Variants in PPP3CC observed in about 807,000 individuals in gnomAD.
PPP3CC encodes the protein serine/threonine-protein phosphatase 2B catalytic subunit gamma isoform.
Under a neutral mutation model 60.3 loss-of-function variants are expected in PPP3CC, and 35 were observed. The observed-to-expected ratio is 0.58, with a 90% confidence interval of 0.44 to 0.77. The LOEUF is 0.77. PPP3CC is among the 30% of genes least tolerant of loss of function. The pLI, the probability that PPP3CC is intolerant of heterozygous loss-of-function variation, is 0.00. For synonymous variants in PPP3CC, 206 were observed against 224.3 expected (o/e 0.92, Z 0.73); for missense variants, 570 against 628.9 (o/e 0.91, Z 1.00).
At chr8:22,498,173 C>T in intron 4 of PPP3CC, 61 bp downstream of exon 4, 9 of 1,070,798 alleles carry the variant, frequency 8.4e-6, no homozygotes, top group Non-Finnish European at 1.2e-5. Context: ...CGAAGTAAAT[C>T]AAACAGAAAG....
rs1028319142 is a variant in PPP3CC at position 22,459,068 on chromosome 8, AT to A, written c.50-15872del. Reference sequence around the variant, plus strand: ...TTGACACCAGAAATATACATTTGTAATTTTTTTTTTTTTTCTGAGACAGAGT... The same window carrying A: ...TTGACACCAGAAATATACATTTGTAATTTTTTTTTTTTTCTGAGACAGAGT... On this transcript the variant is annotated intron_variant, in intron 1 of 13. Coordinates refer to ENST00000240139, the MANE Select transcript of PPP3CC (RefSeq NM_005605.5). Among the ~76,000 whole-genome samples the A allele has an allele frequency of 2.7e-3, 394 of 145,774 alleles. 3 individuals are homozygous for A. Among genetic ancestry groups the A allele is most frequent in the Middle Eastern group, 7.0e-3 (2 of 286 alleles).
intron 2 of PPP3CC, 116 bp from the exon 3 acceptor site, chr8:22,475,384 T>C (rs966723870): frequency 2.4e-5 from 29 of 1,217,182 alleles, no homozygotes; most frequent in African/African-American, 3.0e-5. Context: ...TTTACAGCAG[T>C]CCTGTCAAAA....
chr8:22,509,788 A>AACTCCTGGG (rs1226978286), intron 4 of PPP3CC, among the ~76,000 whole-genome samples: 1 of 152,192 alleles, frequency 6.6e-6, no homozygotes, highest in Non-Finnish European at 1.5e-5. Context: ...TGCAGCCTCA[A>AACTCCTGGG]ACTCCTGGGC....
At chr8:22,498,332 T>G (rs180703468) in intron 4 of PPP3CC, among the ~76,000 whole-genome samples, 97 of 152,318 alleles carry the variant, frequency 6.4e-4, no homozygotes, top group South Asian at 4.8e-3. Flanking sequence ...TTCGGGATAT[T>G]TGGAAAGCAC....
intron 12 of PPP3CC, among the ~76,000 whole-genome samples, chr8:22,534,942 C>G (rs1180352333): frequency 6.6e-6 from 1 of 152,168 alleles, no homozygotes; most frequent in Non-Finnish European, 1.5e-5. Context: ...GTCAGAATGT[C>G]ACTTCCTCTG....
chr8:22,519,192 G>A (rs904523455), intron 6 of PPP3CC, among the ~76,000 whole-genome samples: 2 of 152,064 alleles, frequency 1.3e-5, no homozygotes, highest in African/African-American at 4.8e-5. Flanking sequence ...TAAAAGTTTA[G>A]CCACTCATGT....
intron 1 of PPP3CC, among the ~76,000 whole-genome samples, chr8:22,469,869 T>C (rs1384920681): frequency 1.3e-5 from 2 of 152,008 alleles, no homozygotes; most frequent in Non-Finnish European, 1.5e-5. Flanking sequence ...ATTATTGCCT[T>C]AAGCCACTAA....
chr8:22,463,758 G>A (rs1421823233), intron 1 of PPP3CC, among the ~76,000 whole-genome samples: 1 of 150,850 alleles, frequency 6.6e-6, no homozygotes, highest in Non-Finnish European at 1.5e-5. Flanking sequence ...GATAGCTATT[G>A]TGGCAGTCTT....
In PPP3CC at chr8:22,540,677, C is replaced by T; in HGVS notation, c.1414C>T (p.Arg472Ter). Residue 472 changes from arginine to a stop codon, truncating the protein, a stop_gained, in exon 14 of 14, where the codon CGA (arginine) becomes TGA (stop). Coordinates refer to ENST00000240139, the MANE Select transcript of PPP3CC (RefSeq NM_005605.5). LOFTEE classifies it low-confidence loss of function (END_TRUNC). ...RSFEEARGLD[R>*]INERMPPRKD... ...TTTTGAAGAAGCGCGAGGTCTGGAC[C>T]GAATTAATGAGCGAATGCCACCCCG... 1 of 1,614,024 alleles carries T rather than the reference C, an allele frequency of 6.2e-7. No homozygotes were observed. The highest frequency in any genetic ancestry group is 8.5e-7 in the Non-Finnish European group (1 of 1,179,980).
chr8:22,461,095 T>A (rs1837349823), intron 1 of PPP3CC, among the ~76,000 whole-genome samples: 1 of 152,138 alleles, frequency 6.6e-6, no homozygotes, highest in African/African-American at 2.4e-5. Flanking sequence ...CCGCCCACCT[T>A]GGCCTCCCAA....
rs186687672 is a variant in PPP3CC, at chr8:22,482,048, G to A, written c.372+6424G>A. ...GATTTATAATCCTTTGAGTATATAC[G>A]CGATAATGGGATTGCTGGGTCAGAT... On this transcript the variant is annotated intron_variant, in intron 3 of 13. Coordinates refer to ENST00000240139, the MANE Select transcript of PPP3CC (RefSeq NM_005605.5). Among the ~76,000 whole-genome samples, 452 of 152,148 alleles carry A rather than the reference G, an allele frequency of 3.0e-3. 4 individuals carry two copies. Among genetic ancestry groups the A allele is most frequent in the Non-Finnish European group, 5.0e-3 (343 of 68,008 alleles).
intron 4 of PPP3CC, among the ~76,000 whole-genome samples, chr8:22,499,758 C>G (rs1022190716): frequency 6.6e-6 from 1 of 152,234 alleles, no homozygotes; most frequent in Non-Finnish European, 1.5e-5. Flanking sequence ...GCGTATAAGA[C>G]ATACATTCTA....
At chr8:22,522,771 T>G in intron 8 of PPP3CC, 22 bp downstream of exon 8, 1 of 1,507,276 alleles carries the variant, frequency 6.6e-7, no homozygotes, top group Non-Finnish European at 9.2e-7. Flanking sequence ...CAGCAATATT[T>G]GAGTTTGAAT....
At chr8:22,488,476 G>A (rs1374638235) in intron 3 of PPP3CC, among the ~76,000 whole-genome samples, 1 of 152,146 alleles carries the variant, frequency 6.6e-6, no homozygotes, top group Non-Finnish European at 1.5e-5. Flanking sequence ...GTTTCTTTTG[G>A]CATTTGATAA....
At chr8:22,515,171 G>T (rs80136046) in intron 6 of PPP3CC, among the ~76,000 whole-genome samples, 1 of 151,830 alleles carries the variant, frequency 6.6e-6, no homozygotes, top group African/African-American at 2.4e-5. Context: ...TCATCTCCAT[G>T]AGTTCAGTTG....
intron 3 of PPP3CC, among the ~76,000 whole-genome samples, chr8:22,483,882 C>T (rs1280580375): frequency 6.6e-6 from 1 of 152,002 alleles, no homozygotes; most frequent in African/African-American, 2.4e-5. Context: ...GCTCTGTCAC[C>T]CAGACTGGAG....
intron 3 of PPP3CC, chr8:22,493,040 A>G (rs1838454730): frequency 1.4e-6 from 2 of 1,385,120 alleles, no homozygotes; most frequent in Admixed American, 3.4e-5. Flanking sequence ...ATGAAGTTCC[A>G]GCTCTTGTGG....
intron 3 of PPP3CC, among the ~76,000 whole-genome samples, chr8:22,477,575 C>T (rs11778831): frequency 0.44 from 67,404 of 151,922 alleles, 15,189 homozygotes; most frequent in East Asian, 0.6. Flanking sequence ...AGGTTTCAGA[C>T]GGTAAAGATT....
intron 3 of PPP3CC, among the ~76,000 whole-genome samples, chr8:22,489,388 C>T (rs988757843): frequency 1.3e-5 from 2 of 151,314 alleles, no homozygotes; most frequent in Non-Finnish European, 2.9e-5. Context: ...TCCTTACTCC[C>T]TCTCCCCAGT....
Sources: allele counts gnomAD v4.1 joint callset (sites outside exome capture counted in the v4.1 genomes callset), GRCh38; gene constraint gnomAD v4.1.1; transcripts MANE v1.5; gene names NCBI Gene and HGNC (gene_info 2026-07-23, HGNC 2026-07-21).